Variants in RPH3A observed in about 807,000 individuals in gnomAD.
RPH3A encodes rabphilin-3A.
In RPH3A, 48 loss-of-function variants were observed where a neutral mutation model predicts 102.2. The ratio of observed to expected loss-of-function variants is 0.47; its 90% CI spans 0.37 to 0.60. The LOEUF is 0.60. RPH3A is among the 20% of genes least tolerant of loss of function. The probability of loss-of-function intolerance (pLI) is 0.00; values close to 1 mark genes in which losing one functional copy is unlikely to be tolerated. For synonymous variants in RPH3A, 310 were observed against 324.3 expected (o/e 0.96, Z 0.47); for missense variants, 781 against 910.1 (o/e 0.86, Z 1.83).
chr12:112,824,972 T>C (rs1404763967), intron 2 of RPH3A, among the ~76,000 whole-genome samples: 1 of 151,790 alleles, frequency 6.6e-6, no homozygotes, highest in Non-Finnish European at 1.5e-5. Context: ...GTGTCTTCTC[T>C]CTGCTGCAAA....
At chr12:112,667,878 C>T (rs781267000) in intron 1 of RPH3A, among the ~76,000 whole-genome samples, 14 of 152,096 alleles carry the variant, frequency 9.2e-5, no homozygotes, top group Non-Finnish European at 1.6e-4. Context: ...ATCTCTTGCT[C>T]CCCATTGGAA....
At chr12:112,600,535 C>G (rs929705648) in intron 1 of RPH3A, among the ~76,000 whole-genome samples, 1 of 152,142 alleles carries the variant, frequency 6.6e-6, no homozygotes, top group Non-Finnish European at 1.5e-5. Context: ...TTTCCTCAAC[C>G]GTAAAATGGG....
intron 1 of RPH3A, among the ~76,000 whole-genome samples, chr12:112,725,733 A>C (rs966496457): frequency 6.6e-6 from 1 of 151,504 alleles, no homozygotes; most frequent in Non-Finnish European, 1.5e-5. Context: ...TTATTTTAAA[A>C]TTTTTATATA....
chr12:112,881,717 A>G, intron 14 of RPH3A, 55 bp from the exon 15 acceptor site: 2 of 1,331,906 alleles, frequency 1.5e-6, no homozygotes, highest in Non-Finnish European at 2.1e-6. Flanking sequence ...TGCCGATGAC[A>G]GCTGAGCACT....
At chr12:112,609,105 C>T (rs1232405674) in intron 1 of RPH3A, among the ~76,000 whole-genome samples, 2 of 152,198 alleles carry the variant, frequency 1.3e-5, no homozygotes, top group African/African-American at 4.8e-5. Flanking sequence ...CAAATCCTCA[C>T]AGACTGTTTC....
At chr12:112,783,651 A>AAGAG (rs879867342) in intron 1 of RPH3A, among the ~76,000 whole-genome samples, 16 of 152,210 alleles carry the variant, frequency 1.1e-4, no homozygotes, top group Non-Finnish European at 1.9e-4. Flanking sequence ...CTCATTGAAT[A>AAGAG]ATTCCAAGAA....
At chr12:112,782,664 A>AG (rs1288719550) in intron 1 of RPH3A, among the ~76,000 whole-genome samples, 4 of 152,224 alleles carry the variant, frequency 2.6e-5, no homozygotes, top group Non-Finnish European at 5.9e-5. Context: ...GACTGTATTT[A>AG]TGAATGGAGT....
At chr12:112,826,151 C>T (rs888557686) in intron 2 of RPH3A, among the ~76,000 whole-genome samples, 28 of 152,154 alleles carry the variant, frequency 1.8e-4, no homozygotes, top group African/African-American at 6.3e-4. Context: ...CCCTCTTGGA[C>T]GAGGTGCATT....
intron 4 of RPH3A, among the ~76,000 whole-genome samples, chr12:112,839,356 G>A (rs2042106259): frequency 6.6e-6 from 1 of 151,786 alleles, no homozygotes; most frequent in South Asian, 2.1e-4. Flanking sequence ...CTTTCGCTGT[G>A]TAACAAACCA....
chr12:112,616,521 C>A (rs2135977573), intron 1 of RPH3A, among the ~76,000 whole-genome samples: 1 of 152,254 alleles, frequency 6.6e-6, no homozygotes, highest in Middle Eastern at 3.4e-3. Flanking sequence ...AGAGAATTCC[C>A]AGAGACAATA....
At chr12:112,660,412 C>A (rs1046051718) in intron 1 of RPH3A, among the ~76,000 whole-genome samples, 1 of 152,158 alleles carries the variant, frequency 6.6e-6, no homozygotes, top group Admixed American at 6.6e-5. Context: ...CTTGGCCACA[C>A]CCCCTGCCCC....
At chr12:112,608,414 C>T (rs1231322198) in intron 1 of RPH3A, among the ~76,000 whole-genome samples, 1 of 152,164 alleles carries the variant, frequency 6.6e-6, no homozygotes. Context: ...TCCCGCCTGG[C>T]TGACATTCTC....
chr12:112,848,074 T>C (rs2042261218), intron 5 of RPH3A, among the ~76,000 whole-genome samples: 1 of 151,810 alleles, frequency 6.6e-6, no homozygotes, highest in Non-Finnish European at 1.5e-5. Flanking sequence ...GAGGAGAGAT[T>C]GGGCTGCGAG....
At chr12:112,788,789 C>T (rs964785271), upstream of RPH3A, among the ~76,000 whole-genome samples, 1 of 152,192 alleles carries the variant, frequency 6.6e-6, no homozygotes, top group East Asian at 1.9e-4. Context: ...CTGGGAACTA[C>T]TTGGGTTCTG....
intron 1 of RPH3A, among the ~76,000 whole-genome samples, chr12:112,762,117 A>C (rs2040858141): frequency 6.6e-6 from 1 of 152,224 alleles, no homozygotes; most frequent in African/African-American, 2.4e-5. Flanking sequence ...AATGTTCAAT[A>C]AGTATTCACT....
intron 1 of RPH3A, among the ~76,000 whole-genome samples, chr12:112,681,913 G>T (rs554540374): frequency 1.3e-5 from 2 of 152,308 alleles, no homozygotes; most frequent in East Asian, 3.9e-4. Context: ...AGCATGGCTT[G>T]CAAAGCTTTA....
At chr12:112,605,837 C>T (rs1295517949) in intron 1 of RPH3A, among the ~76,000 whole-genome samples, 1 of 152,198 alleles carries the variant, frequency 6.6e-6, no homozygotes, top group Non-Finnish European at 1.5e-5. Flanking sequence ...TGGGGTTCCC[C>T]CTTTAGCCAG....
intron 1 of RPH3A, among the ~76,000 whole-genome samples, chr12:112,775,940 A>C (rs2040962684): frequency 6.6e-6 from 1 of 152,016 alleles, no homozygotes; most frequent in African/African-American, 2.4e-5. Flanking sequence ...CTTTATACTA[A>C]AGCAGGGATT....
intron 2 of RPH3A, among the ~76,000 whole-genome samples, chr12:112,813,598 G>A (rs2041619453): frequency 1.3e-5 from 2 of 152,194 alleles, no homozygotes; most frequent in South Asian, 2.1e-4. Context: ...ACTAGAGACT[G>A]TGCTAAAATG....
Sources: allele counts gnomAD v4.1 joint callset (sites outside exome capture counted in the v4.1 genomes callset), GRCh38; gene constraint gnomAD v4.1.1; transcripts MANE v1.5; gene names NCBI Gene and HGNC (gene_info 2026-07-23, HGNC 2026-07-21).